KCNIP4: variants seen among roughly 807,000 people sequenced by gnomAD.
The protein encoded by KCNIP4 is Kv channel-interacting protein 4.
KCNIP4 carries 12 observed loss-of-function variants against 34.0 expected under a neutral mutation model. The ratio of observed to expected loss-of-function variants is 0.35; its 90% confidence interval spans 0.23 to 0.57. KCNIP4 has a LOEUF of 0.57. Among genes scored for constraint, KCNIP4 ranks in the 20% least tolerant of loss-of-function variants. KCNIP4 has a pLI of 0.83. For missense variants in KCNIP4, 238 were observed against 311.7 expected, an observed-to-expected ratio of 0.76 and a Z score of 1.78; for synonymous variants, 124 against 102.2, an observed-to-expected ratio of 1.21 and a Z score of -1.29.
At chr4:21,631,654 T>TG (rs1745773565) in intron 1 of KCNIP4, among the ~76,000 whole-genome samples, 1 of 152,198 alleles carries the variant, frequency 6.6e-6, no homozygotes, top group Non-Finnish European at 1.5e-5. Context: ...CTCCTCAATC[T>TG]GGGTCAGGCC....
At chr4:21,698,279 C>T (rs1205352621) in intron 1 of KCNIP4, among the ~76,000 whole-genome samples, 2 of 152,162 alleles carry the variant, frequency 1.3e-5, no homozygotes, top group African/African-American at 2.4e-5. Flanking sequence ...ATAATTGTCT[C>T]CTTTAAAACA....
chr4:21,909,448 T>G (rs1051995960), intron 1 of KCNIP4, among the ~76,000 whole-genome samples: 2 of 152,134 alleles, frequency 1.3e-5, no homozygotes, highest in Admixed American at 6.6e-5. Context: ...AAAGCCTATT[T>G]AAGCCTAACC....
At chr4:21,626,341 T>A (rs1405146463) in intron 1 of KCNIP4, among the ~76,000 whole-genome samples, 1 of 151,938 alleles carries the variant, frequency 6.6e-6, no homozygotes, top group Non-Finnish European at 1.5e-5. Context: ...GTTCTCATGA[T>A]GGGATTAGTG....
intron 1 of KCNIP4, among the ~76,000 whole-genome samples, chr4:20,976,644 G>A (rs1187439225): frequency 2.0e-5 from 3 of 152,076 alleles, no homozygotes; most frequent in Non-Finnish European, 4.4e-5. Flanking sequence ...TGTGAGAGAA[G>A]GAGAAAAGCA....
At chr4:21,903,027 C>T (rs1444715728) in intron 1 of KCNIP4, among the ~76,000 whole-genome samples, 1 of 152,102 alleles carries the variant, frequency 6.6e-6, no homozygotes, top group Non-Finnish European at 1.5e-5. Flanking sequence ...CTAAGCAACA[C>T]AACAGAGCAT....
At chr4:21,317,861 A>T (rs1269396716) in intron 1 of KCNIP4, among the ~76,000 whole-genome samples, 6 of 151,814 alleles carry the variant, frequency 4.0e-5, no homozygotes, top group Admixed American at 2.0e-4. Context: ...AAGCTCTCTA[A>T]CTCTTGTCTG....
chr4:21,296,741 T>A (rs959275864), intron 1 of KCNIP4, among the ~76,000 whole-genome samples: 1 of 151,974 alleles, frequency 6.6e-6, no homozygotes, highest in African/African-American at 2.4e-5. Flanking sequence ...CTTGTTATAA[T>A]TCCAGGAGCC....
intron 1 of KCNIP4, among the ~76,000 whole-genome samples, chr4:21,483,920 A>C (rs1236923863): frequency 2.0e-5 from 3 of 152,102 alleles, no homozygotes; most frequent in Non-Finnish European, 2.9e-5. Flanking sequence ...CCATGATTGA[A>C]AGTTTCCTGA....
At chr4:21,673,600 C>T (rs1039106136) in intron 1 of KCNIP4, among the ~76,000 whole-genome samples, 1 of 152,056 alleles carries the variant, frequency 6.6e-6, no homozygotes, top group Admixed American at 6.6e-5. Context: ...ATTTAATTTA[C>T]ACTTTTCTGA....
chr4:21,502,591 G>A (rs529760989), intron 1 of KCNIP4, among the ~76,000 whole-genome samples: 13 of 152,100 alleles, frequency 8.5e-5, no homozygotes, highest in Admixed American at 3.9e-4. Context: ...CTGAATACAC[G>A]ACACTCCTTC....
chr4:21,793,613 T>C (rs1027434723), intron 1 of KCNIP4, among the ~76,000 whole-genome samples: 1 of 152,192 alleles, frequency 6.6e-6, no homozygotes, highest in Non-Finnish European at 1.5e-5. Flanking sequence ...ACACATATCT[T>C]ATAATTTAAG....
chr4:20,731,513 A>C (rs1748200452), intron 8 of KCNIP4: 4 of 985,404 alleles, frequency 4.1e-6, no homozygotes, highest in East Asian at 2.3e-4. Context: ...TTTGTGACTG[A>C]AGACCATTAG....
chr4:21,712,123 T>C (rs1454144538), intron 1 of KCNIP4, among the ~76,000 whole-genome samples: 1 of 112,722 alleles, frequency 8.9e-6, no homozygotes, highest in African/African-American at 2.9e-5. Flanking sequence ...TAAACCTGTA[T>C]TTTAAAAGTA....
chr4:21,562,949 ACT>A (rs1739579584), intron 1 of KCNIP4, among the ~76,000 whole-genome samples: 1 of 152,108 alleles, frequency 6.6e-6, no homozygotes, highest in African/African-American at 2.4e-5. Flanking sequence ...TATCTTAATT[ACT>A]GTTACCTTTG....
chr4:21,930,449 C>T (rs1729501698), intron 1 of KCNIP4, among the ~76,000 whole-genome samples: 1 of 152,062 alleles, frequency 6.6e-6, no homozygotes, highest in Non-Finnish European at 1.5e-5. Context: ...TGCTTAACAC[C>T]ATTCAAGAGC....
intron 1 of KCNIP4, among the ~76,000 whole-genome samples, chr4:21,892,673 A>C (rs1225001794): frequency 6.6e-6 from 1 of 152,130 alleles, no homozygotes; most frequent in Non-Finnish European, 1.5e-5. Flanking sequence ...AGTTGTCTAT[A>C]AAATAGATGC....
At chr4:21,170,345 C>T (rs922559183) in intron 1 of KCNIP4, among the ~76,000 whole-genome samples, 2 of 152,116 alleles carry the variant, frequency 1.3e-5, no homozygotes, top group African/African-American at 4.8e-5. Flanking sequence ...CGGTTTCTAA[C>T]AGAAGTCTTT....
intron 1 of KCNIP4, among the ~76,000 whole-genome samples, chr4:21,912,880 A>G (rs1228566803): frequency 1.3e-5 from 2 of 150,896 alleles, no homozygotes; most frequent in African/African-American, 4.9e-5. Flanking sequence ...TGCAATAAGA[A>G]GCCATTGAAA....
At chr4:21,782,656 C>CA (rs1719643164) in intron 1 of KCNIP4, among the ~76,000 whole-genome samples, 1 of 152,162 alleles carries the variant, frequency 6.6e-6, no homozygotes, top group Non-Finnish European at 1.5e-5. Context: ...TGTGTTAGTG[C>CA]CACTGCACTC....
Sources: allele counts gnomAD v4.1 joint callset (sites outside exome capture counted in the v4.1 genomes callset), GRCh38; gene constraint gnomAD v4.1.1; transcripts MANE v1.5; gene names NCBI Gene and HGNC (gene_info 2026-07-23, HGNC 2026-07-21).